CENPW: variants seen among roughly 807,000 people sequenced by gnomAD.
CENPW encodes cancer-up-regulated gene 2 protein.
CENPW carries 3 observed loss-of-function variants against 11.1 expected under a neutral mutation model. The observed-to-expected ratio is 0.27, with a 90% CI of 0.12 to 0.70. The LOEUF (loss-of-function observed/expected upper bound fraction) is 0.70. Among genes scored for constraint, CENPW ranks in the 30% least tolerant of loss-of-function variants. The pLI is 0.77. For missense variants in CENPW, 100 were observed against 105.6 expected, an observed-to-expected ratio of 0.95 and a Z score of 0.23; for synonymous variants, 38 against 42.0, an observed-to-expected ratio of 0.91 and a Z score of 0.37.
At chr6:126,354,616 A>G in the CENPW span, among the ~76,000 whole-genome samples, 1 of 152,120 alleles carries the variant, frequency 6.6e-6, no homozygotes, top group Non-Finnish European at 1.5e-5. Flanking sequence ...TAAAAGCTCT[A>G]CTATAGTAGC....
chr6:126,419,618 C>G, the CENPW span, among the ~76,000 whole-genome samples: 1 of 152,142 alleles, frequency 6.6e-6, no homozygotes, highest in Non-Finnish European at 1.5e-5. Context: ...AAATTTATTA[C>G]TTTACAGTTC....
At chr6:126,424,859 A>G in the CENPW span, among the ~76,000 whole-genome samples, 1 of 151,994 alleles carries the variant, frequency 6.6e-6, no homozygotes, top group Admixed American at 6.6e-5. Context: ...AACCCTAATT[A>G]CCCCTCAAAA....
chr6:126,430,910 A>G, the CENPW span, among the ~76,000 whole-genome samples: 1 of 151,774 alleles, frequency 6.6e-6, no homozygotes, highest in South Asian at 2.1e-4. Flanking sequence ...ACAGAGTGAG[A>G]CTCCATCTCA....
chr6:126,483,268 C>T, the CENPW span, among the ~76,000 whole-genome samples: 2 of 151,532 alleles, frequency 1.3e-5, no homozygotes, highest in South Asian at 4.1e-4. Flanking sequence ...CTTTATTGAA[C>T]TGCTTTGAAA....
the CENPW span, among the ~76,000 whole-genome samples, chr6:126,385,060 T>C: frequency 6.6e-6 from 1 of 152,108 alleles, no homozygotes. Context: ...CACCATAAGA[T>C]ACTGTCTCAT....
chr6:126,369,983 T>C, the CENPW span, among the ~76,000 whole-genome samples: 1 of 152,240 alleles, frequency 6.6e-6, no homozygotes, highest in South Asian at 2.1e-4. Flanking sequence ...AGTTTCATTC[T>C]ACCTGTGGCT....
chr6:126,470,331 A>C, the CENPW span, among the ~76,000 whole-genome samples: 1 of 152,232 alleles, frequency 6.6e-6, no homozygotes, highest in African/African-American at 2.4e-5. Flanking sequence ...ACAAGCCCCA[A>C]ACCTTGGCAG....
At chr6:126,375,563 G>A in the CENPW span, among the ~76,000 whole-genome samples, 2 of 152,132 alleles carry the variant, frequency 1.3e-5, no homozygotes, top group South Asian at 2.1e-4. Context: ...TGTCTTTCCC[G>A]TCTTTGCTCT....
the CENPW span, among the ~76,000 whole-genome samples, chr6:126,398,891 C>T: frequency 3.3e-4 from 50 of 151,718 alleles, no homozygotes; most frequent in Admixed American, 1.3e-3. Context: ...TTAGCTCCCA[C>T]TTATAAGTGA....
the CENPW span, among the ~76,000 whole-genome samples, chr6:126,403,653 G>A: frequency 1.3e-5 from 2 of 151,912 alleles, no homozygotes; most frequent in Non-Finnish European, 2.9e-5. Flanking sequence ...TAACATAAAA[G>A]TACAAGATGA....
the CENPW span, among the ~76,000 whole-genome samples, chr6:126,387,223 T>C: frequency 6.6e-6 from 1 of 152,002 alleles, no homozygotes. Context: ...ATAATCTTTT[T>C]TTGGATATGA....
At chr6:126,394,999 T>C in the CENPW span, among the ~76,000 whole-genome samples, 1 of 152,148 alleles carries the variant, frequency 6.6e-6, no homozygotes, top group Non-Finnish European at 1.5e-5. Flanking sequence ...GTTTGATTAT[T>C]AAATGCTTGA....
the CENPW span, among the ~76,000 whole-genome samples, chr6:126,407,950 CA>C: frequency 6.6e-6 from 1 of 152,028 alleles, no homozygotes; most frequent in Non-Finnish European, 1.5e-5. Flanking sequence ...TTCCATTTGT[CA>C]GTTTTCGTTT....
chr6:126,406,199 A>T, the CENPW span, among the ~76,000 whole-genome samples: 1 of 151,968 alleles, frequency 6.6e-6, no homozygotes, highest in Non-Finnish European at 1.5e-5. Context: ...TTTTGTGTCT[A>T]TTGAGAGGAT....
the CENPW span, among the ~76,000 whole-genome samples, chr6:126,411,069 C>A: frequency 6.6e-6 from 1 of 151,898 alleles, no homozygotes; most frequent in Non-Finnish European, 1.5e-5. Flanking sequence ...TTTTCTGTGT[C>A]TCTGTATTGA....
the CENPW span, among the ~76,000 whole-genome samples, chr6:126,420,615 G>C: frequency 1.3e-5 from 2 of 152,090 alleles, no homozygotes; most frequent in African/African-American, 4.8e-5. Context: ...TTGCTGGTTG[G>C]TCTTTTAGGG....
the CENPW span, among the ~76,000 whole-genome samples, chr6:126,360,305 T>C: frequency 6.6e-6 from 1 of 150,440 alleles, no homozygotes; most frequent in African/African-American, 2.4e-5. Context: ...GCTAGCTTGA[T>C]GGGGTTCCTT....
chr6:126,468,637 G>A, the CENPW span, among the ~76,000 whole-genome samples: 56 of 151,836 alleles, frequency 3.7e-4, no homozygotes, highest in South Asian at 0.011. Flanking sequence ...AGGGGAAATC[G>A]GATGCAGGGT....
the CENPW span, among the ~76,000 whole-genome samples, chr6:126,369,111 ATT>A: frequency 7.3e-3 from 1,088 of 148,840 alleles, 13 homozygotes; most frequent in African/African-American, 0.025. Flanking sequence ...TGCAAATGCC[ATT>A]TTTTTTTTTA....
Sources: gnomAD v4.1 joint callset for allele counts (sites outside exome capture counted in the v4.1 genomes callset) on GRCh38, gnomAD v4.1.1 for gene constraint, MANE v1.5 for transcripts, NCBI Gene and HGNC (gene_info 2026-07-23, HGNC 2026-07-21) for gene names.